Variants in EGFL8 observed in about 807,000 individuals in gnomAD.
The protein encoded by EGFL8 is EGF like domain multiple 8.
EGFL8 carries 32 observed loss-of-function variants against 39.4 expected under a neutral mutation model. The observed-to-expected ratio is 0.81, with a 90% CI of 0.61 to 1.09. The LOEUF (loss-of-function observed/expected upper bound fraction) is 1.09. Ranked by LOEUF, EGFL8 falls within the 50% of genes least tolerant of loss-of-function variation. EGFL8 has a pLI of 0.00. For synonymous variants in EGFL8, 177 were observed against 168.5 expected, an observed-to-expected ratio of 1.05 and a Z score of -0.39; for missense variants, 385 against 402.2, an observed-to-expected ratio of 0.96 and a Z score of 0.37.
At position 32,167,545 on chromosome 6, in the gene EGFL8, G is replaced by C. The variant is rs139749971; in HGVS notation, c.724G>C (p.Val242Leu). Residue 242 changes from valine (V) to leucine (L), a missense_variant, in exon 8 of 9, where the codon GTG becomes CTG. Val to Leu is a conservative substitution (Grantham distance 32). Coordinates refer to ENST00000333845, the MANE Select transcript of EGFL8 (RefSeq NM_030652.4). This position sits in a 1 kb window ranked among gnomAD's most constrained non-coding sequence, Gnocchi z 6.4. ...AGAWVRAVLP[V>L]PPEELQPEQV... ...GGCCTGGGTCAGAGCGGTGCTGCCC[G>C]TGCCGCCTGAAGAGCTGCAGCCAGA... 3.1e-6 allele frequency: 5 copies of C among 1,608,750 alleles called. No individual in the cohort carries two copies. Among genetic ancestry groups the C allele is most frequent in the Non-Finnish European group, 4.2e-6 (5 of 1,179,780 alleles).
In EGFL8 at chr6:32,167,180, T is replaced by C; in HGVS notation, c.524T>C (p.Val175Ala). ...SFTCGCPHDL[V>A]LGVDGRTCME... ...ACCTGCGGCTGCCCCCATGACCTAG[T>C]GCTAGGCGTGGACGGGCGCACCTGC... The change falls in exon 6 of 9, where the codon GTG becomes GCG. Residue 175 changes from valine to alanine, a missense_variant. Coordinates refer to ENST00000333845, the MANE Select transcript of EGFL8 (RefSeq NM_030652.4). This position sits in a 1 kb window ranked among gnomAD's most constrained non-coding sequence, Gnocchi z 6.4. The C allele has an allele frequency of 6.2e-7, 1 of 1,613,066 alleles. No homozygotes were observed. Among genetic ancestry groups the C allele is most frequent in the South Asian group, 1.1e-5 (1 of 91,088 alleles).
At position 32,167,094 on chromosome 6, in the gene EGFL8, T is replaced by C; in HGVS notation, c.438T>C (p.Asp146=). The C allele has an allele frequency of 1.2e-6, 2 of 1,613,084 alleles. No individual in the cohort carries two copies. The highest frequency in any genetic ancestry group is 1.7e-6 in the Non-Finnish European group (2 of 1,180,034). Residue 146 remains aspartate (D), a synonymous_variant, in exon 6 of 9, where the codon GAT becomes GAC. Coordinates refer to ENST00000333845, the MANE Select transcript of EGFL8 (RefSeq NM_030652.4). This position sits in a 1 kb window ranked among gnomAD's most constrained non-coding sequence, Gnocchi z 6.4. ...WGGKHCHVDV[D]ECRTSITLCS... is the part of the protein sequence containing the mutation. The stretch of plus-strand genomic sequence containing the variant: ...CCTTTTTTCGGTAACTAGACGTGGA[T>C]GAATGTAGGACCAGCATCACCCTCT...
Position 32,167,969 on chromosome 6 carries a change from G to A in EGFL8, c.*13G>A. 9 of 1,613,950 alleles carry A rather than the reference G, an allele frequency of 5.6e-6. No individual in the cohort carries two copies. Among genetic ancestry groups the A allele is most frequent in the Non-Finnish European group, 7.6e-6 (9 of 1,179,866 alleles). On this transcript the variant is annotated 3_prime_UTR_variant, in exon 9 of 9. Coordinates refer to ENST00000333845, the MANE Select transcript of EGFL8 (RefSeq NM_030652.4). This position sits in a 1 kb window ranked among gnomAD's most constrained non-coding sequence, Gnocchi z 6.4. ...CAATCATCGATAAGAAGCCTCTACA[G>A]CACCCCTGCCCCCTAATTTATACAG...
Position 32,167,306 on chromosome 6 carries a change from C to G in EGFL8, c.602-44C>G, listed in dbSNP as rs757911723. The G allele has an allele frequency of 3.7e-6, 6 of 1,612,542 alleles. No homozygotes were observed. The highest frequency in any genetic ancestry group is 5.1e-6 in the Non-Finnish European group (6 of 1,179,768). ...ACCCGAGGGACTCGGGACGGGCGTCCGGGCTCGGGTAGTGGTCACACTCTT... is the reference window on the plus strand; with the variant it reads ...ACCCGAGGGACTCGGGACGGGCGTCGGGGCTCGGGTAGTGGTCACACTCTT... On this transcript the variant is annotated intron_variant, in intron 6 of 8. Transcript: ENST00000333845. The surrounding 1 kb of genome is among the most constrained non-coding windows in gnomAD (Gnocchi z 6.4).
In EGFL8 at chr6:32,167,824, C is replaced by T. The variant is rs577608177; in HGVS notation, c.836-86C>T. 3.0e-5 allele frequency: 47 copies of T among 1,547,438 alleles called. No homozygotes were observed. The highest frequency in any genetic ancestry group is 4.2e-5 in the Non-Finnish European group (47 of 1,125,752). On this transcript the variant is annotated intron_variant, in intron 8 of 8. Coordinates refer to ENST00000333845, the MANE Select transcript of EGFL8 (RefSeq NM_030652.4). This position sits in a 1 kb window ranked among gnomAD's most constrained non-coding sequence, Gnocchi z 6.4. ...TTCTGAAATCCTGTCCCCAGCCCAA[C>T]AGTTTCACTTATTGTTTGGTGAGAG...
rs545453429 is a variant in EGFL8 at position 32,166,542 on chromosome 6, A to C, written c.146A>C (p.Tyr49Ser). 2 of 1,613,962 alleles carry C rather than the reference A, an allele frequency of 1.2e-6. No homozygotes were observed. The highest frequency in any genetic ancestry group is 1.3e-5 in the African/African-American group (1 of 75,012). The change falls in exon 3 of 9, where the codon TAC becomes TCC. Residue 49 changes from tyrosine to serine, a missense_variant. Physicochemically the swap from Tyr to Ser is moderately radical, Grantham distance 144. Transcript: ENST00000333845. This position sits in a 1 kb window ranked among gnomAD's most constrained non-coding sequence, Gnocchi z 7.3. The part of the protein sequence containing the change: ...SKQTLVVPLH[Y>S]NESYSQPVYK... ...CAGACACTGGTGGTCCCGCTCCACT[A>C]CAACGAGTCCTACAGCCAACCAGTG...
rs1210858832 is a variant in EGFL8 at position 32,167,418 on chromosome 6, C to G, written c.670C>G (p.Arg224Gly). ...TCACGAGCTGCGAGGGCGCCTGGAG[C>G]GGCTGGAGCAGGTGAGCCAAGCCTG... ...EIHELRGRLE[R>G]LEQWAGQAGA... The change falls in exon 7 of 9, where the codon CGG becomes GGG. Residue 224 changes from arginine (R) to glycine (G), a missense_variant. By Grantham distance (125) the Arg-to-Gly change is moderately radical (BLOSUM62 -2). Transcript: ENST00000333845. The surrounding 1 kb of genome is among the most constrained non-coding windows in gnomAD (Gnocchi z 6.4). 1.2e-6 allele frequency: 2 copies of G among 1,612,764 alleles called. No individual in the cohort carries two copies. Among genetic ancestry groups the G allele is most frequent in the South Asian group, 1.1e-5 (1 of 91,092 alleles).
Position 32,167,417 on chromosome 6 carries a change from G to A in EGFL8, c.669G>A (p.Glu223=), listed in dbSNP as rs1411920564. The A allele has an allele frequency of 6.2e-7, 1 of 1,612,926 alleles. No individual in the cohort carries two copies. The highest frequency in any genetic ancestry group is 8.5e-7 in the Non-Finnish European group (1 of 1,179,986). ...QEIHELRGRL[E]RLEQWAGQAG... Reference sequence around the variant, plus strand: ...TTCACGAGCTGCGAGGGCGCCTGGAGCGGCTGGAGCAGGTGAGCCAAGCCT... The same window carrying A: ...TTCACGAGCTGCGAGGGCGCCTGGAACGGCTGGAGCAGGTGAGCCAAGCCT... Residue 223 remains glutamate (E), a synonymous_variant, in exon 7 of 9, where the codon GAG becomes GAA. Transcript: ENST00000333845. This position sits in a 1 kb window ranked among gnomAD's most constrained non-coding sequence, Gnocchi z 6.4.
Position 32,167,999 on chromosome 6 carries a change from C to A in EGFL8, c.*43C>A, listed in dbSNP as rs767483041. ...CCTGCCCCCTAATTTATACAGAAAC[C>A]GGACCCACTAATCCTCTGGGATTGG... On this transcript the variant is annotated 3_prime_UTR_variant, in exon 9 of 9. Transcript: ENST00000333845. This position sits in a 1 kb window ranked among gnomAD's most constrained non-coding sequence, Gnocchi z 6.4. The A allele has an allele frequency of 1.3e-6, 2 of 1,596,638 alleles. No individual in the cohort carries two copies. The highest frequency in any genetic ancestry group is 1.7e-6 in the Non-Finnish European group (2 of 1,164,174).
In EGFL8 at chr6:32,166,544, A is replaced by G; in HGVS notation, c.148A>G (p.Asn50Asp). 2 of 1,613,928 alleles carry G rather than the reference A, an allele frequency of 1.2e-6. No homozygotes were observed. Among genetic ancestry groups the G allele is most frequent in the Non-Finnish European group, 1.7e-6 (2 of 1,180,006 alleles). The stretch of plus-strand genomic sequence containing the variant: ...GACACTGGTGGTCCCGCTCCACTAC[A>G]ACGAGTCCTACAGCCAACCAGTGTA... ...KQTLVVPLHY[N>D]ESYSQPVYKP... Residue 50 changes from asparagine to aspartate, a missense_variant, in exon 3 of 9, where the codon AAC (asparagine) becomes GAC (aspartate). Physicochemically the swap from Asn to Asp is conservative, Grantham distance 23. Transcript: ENST00000333845. The surrounding 1 kb of genome is among the most constrained non-coding windows in gnomAD (Gnocchi z 7.3).
In EGFL8 at chr6:32,167,089, G is replaced by A. The variant is rs750706339; in HGVS notation, c.433G>A (p.Val145Met). The part of the protein sequence containing the change: ...GWGGKHCHVD[V>M]DECRTSITLC... ...CCCTTCCTTTTTTCGGTAACTAGAC[G>A]TGGATGAATGTAGGACCAGCATCAC... Residue 145 changes from valine to methionine, a missense_variant and splice_region_variant, in exon 6 of 9, where the codon GTG becomes ATG. By Grantham distance (21) the Val-to-Met change is conservative. Coordinates refer to ENST00000333845, the MANE Select transcript of EGFL8 (RefSeq NM_030652.4). This position sits in a 1 kb window ranked among gnomAD's most constrained non-coding sequence, Gnocchi z 6.4. 5 of 1,612,932 alleles carry A rather than the reference G, an allele frequency of 3.1e-6. No homozygotes were observed. In the South Asian group the frequency reaches 3.3e-5, roughly 11 times the overall value.
In EGFL8 at chr6:32,166,976, C is replaced by T. The variant is rs202138789; in HGVS notation, c.401C>T (p.Pro134Leu). 1.7e-4 allele frequency: 277 copies of T among 1,613,190 alleles called. No homozygotes were observed. The highest frequency in any genetic ancestry group is 1.1e-3 in the Admixed American group (64 of 60,028). Residue 134 changes from proline (P) to leucine (L), a missense_variant, in exon 5 of 9, where the codon CCC (proline) becomes CTC (leucine). Transcript: ENST00000333845. This position sits in a 1 kb window ranked among gnomAD's most constrained non-coding sequence, Gnocchi z 7.3. ...CVRPDQCECAPGWGGKHCHVD... is the reference protein window; with the variant it reads ...CVRPDQCECALGWGGKHCHVD... ...AGGCCTGACCAGTGCGAGTGCGCCCCCGGCTGGGGAGGGAAGCACTGTCAT... is the reference window on the plus strand; with the variant it reads ...AGGCCTGACCAGTGCGAGTGCGCCCTCGGCTGGGGAGGGAAGCACTGTCAT...
At position 32,167,832 on chromosome 6, in the gene EGFL8, C is replaced by CTTATTGTTTGG; in HGVS notation, c.836-76_836-66dup. 1 of 1,560,854 alleles carries CTTATTGTTTGG rather than the reference C, an allele frequency of 6.4e-7. No homozygotes were observed. The highest frequency in any genetic ancestry group is 1.4e-5 in the African/African-American group (1 of 73,752). On this transcript the variant is annotated intron_variant, in intron 8 of 8. Transcript: ENST00000333845. This position sits in a 1 kb window ranked among gnomAD's most constrained non-coding sequence, Gnocchi z 6.4. Reference sequence around the variant, plus strand: ...TCCTGTCCCCAGCCCAACAGTTTCACTTATTGTTTGGTGAGAGTGGCAGTG... The same window carrying CTTATTGTTTGG: ...TCCTGTCCCCAGCCCAACAGTTTCACTTATTGTTTGGTTATTGTTTGGTGAGAGTGGCAGTG...
At chr6:32,165,567 A>C (rs41268920) in intron 1 of EGFL8, 7,632 of 138,688 alleles carry the variant, frequency 0.055, 284 homozygotes, top group East Asian at 0.24. Flanking sequence ...ACAACAACAA[A>C]AAAAAAACCA....
In EGFL8 at chr6:32,166,971, C is replaced by T. The variant is rs571923481; in HGVS notation, c.396C>T (p.Cys132=). 1.9e-6 allele frequency: 3 copies of T among 1,613,174 alleles called. No homozygotes were observed. The highest frequency in any genetic ancestry group is 2.2e-5 in the East Asian group (1 of 44,886). ...GCGTTAGGCCTGACCAGTGCGAGTGCGCCCCCGGCTGGGGAGGGAAGCACT... is the reference window on the plus strand; with the variant it reads ...GCGTTAGGCCTGACCAGTGCGAGTGTGCCCCCGGCTGGGGAGGGAAGCACT... ...GVCVRPDQCE[C]APGWGGKHCH... The change falls in exon 5 of 9, where the codon TGC becomes TGT. Residue 132 remains cysteine (C), a synonymous_variant. Coordinates refer to ENST00000333845, the MANE Select transcript of EGFL8 (RefSeq NM_030652.4). The surrounding 1 kb of genome is among the most constrained non-coding windows in gnomAD (Gnocchi z 7.3).
At position 32,166,176 on chromosome 6, in the gene EGFL8, G is replaced by C; in HGVS notation, c.11G>C (p.Arg4Thr). The C allele has an allele frequency of 6.2e-7, 1 of 1,614,158 alleles. No homozygotes were observed. The highest frequency in any genetic ancestry group is 8.5e-7 in the Non-Finnish European group (1 of 1,180,026). Residue 4 changes from arginine to threonine, a missense_variant, in exon 2 of 9, where the codon AGG becomes ACG. Arg to Thr is a moderately conservative substitution (Grantham distance 71). Coordinates refer to ENST00000333845, the MANE Select transcript of EGFL8 (RefSeq NM_030652.4). This position sits in a 1 kb window ranked among gnomAD's most constrained non-coding sequence, Gnocchi z 7.3. MGS[R>T]AELCTLLGGF... ...GCGTCAAAGCGAATCATGGGGTCCA[G>C]GGCTGAGCTGTGCACTCTCTTAGGC... is the stretch of plus-strand genomic sequence containing the variant.
intron 1 of EGFL8, chr6:32,165,890 G>C: frequency 1.8e-6 from 1 of 557,754 alleles, no homozygotes; most frequent in South Asian, 2.6e-5. Context: ...GAAGTAAGTA[G>C]GTTAGAGGGG....
In EGFL8 at chr6:32,166,504, A is replaced by T. The variant is rs762314805; in HGVS notation, c.108A>T (p.Gly36=). ...AKGGSLRESQ[G]VCSKQTLVVP... ...TCCTCTGGCATGGACGCAGTCAGGG[A>T]GTCTGCTCCAAGCAGACACTGGTGG... Residue 36 remains glycine (G), a synonymous_variant, in exon 3 of 9, where the codon GGA becomes GGT. Transcript: ENST00000333845. The surrounding 1 kb of genome is among the most constrained non-coding windows in gnomAD (Gnocchi z 7.3). 2 of 1,613,458 alleles carry T rather than the reference A, an allele frequency of 1.2e-6. No individual in the cohort carries two copies. Among genetic ancestry groups the T allele is most frequent in the Non-Finnish European group, 1.7e-6 (2 of 1,180,010 alleles).
rs1784375267 is a variant in EGFL8 at position 32,164,860 on chromosome 6, G to A, written c.-29+203G>A. Reference sequence around the variant, plus strand: ...AAAGGTGTGGAGTTTCCAGGTGCTTGGTTTGTGTGTACGGTGTGAAGGTAT... The same window carrying A: ...AAAGGTGTGGAGTTTCCAGGTGCTTAGTTTGTGTGTACGGTGTGAAGGTAT... On this transcript the variant is annotated intron_variant, in intron 1 of 8. Coordinates refer to ENST00000333845, the MANE Select transcript of EGFL8 (RefSeq NM_030652.4). This position sits in a 1 kb window ranked among gnomAD's most constrained non-coding sequence, Gnocchi z 5.4. Among the ~76,000 whole-genome samples, 1 of 152,036 alleles carries A rather than the reference G, an allele frequency of 6.6e-6. No homozygotes were observed. The highest frequency in any genetic ancestry group is 1.9e-4 in the East Asian group (1 of 5,184).
Sources: allele counts gnomAD v4.1 joint callset (sites outside exome capture counted in the v4.1 genomes callset), GRCh38; gene constraint gnomAD v4.1.1; non-coding constraint Gnocchi (gnomAD v3.1); transcripts MANE v1.5; gene names NCBI Gene and HGNC (gene_info 2026-07-23, HGNC 2026-07-21).